Variants in DENND1A observed in about 807,000 individuals in gnomAD.
The protein encoded by DENND1A is DENN domain containing 1A.
DENND1A carries 51 observed loss-of-function variants against 113.7 expected under a neutral mutation model. The observed-to-expected ratio is 0.45, with a 90% CI of 0.36 to 0.57. The LOEUF (loss-of-function observed/expected upper bound fraction) is 0.57. Ranked by LOEUF, DENND1A falls within the 20% of genes least tolerant of loss-of-function variation. The probability of loss-of-function intolerance (pLI) is 0.00; values close to 1 mark genes in which losing one functional copy is unlikely to be tolerated. For missense variants in DENND1A, 1,258 were observed against 1,395.9 expected (o/e 0.90, Z 1.57); for synonymous variants, 565 against 570.8 (o/e 0.99, Z 0.14).
intron 2 of DENND1A, among the ~76,000 whole-genome samples, chr9:123,816,090 T>A (rs532151292): frequency 7.0e-6 from 1 of 142,578 alleles, no homozygotes; most frequent in Non-Finnish European, 1.5e-5. Flanking sequence ...AACCTCGACC[T>A]CCTGGGCTCA....
At chr9:123,588,630 A>T (rs1051972826) in intron 11 of DENND1A, among the ~76,000 whole-genome samples, 19 of 122,228 alleles carry the variant, frequency 1.6e-4, no homozygotes, top group Non-Finnish European at 3.1e-4. Context: ...CAAAAAAAAA[A>T]AAAGGGGGGG....
At chr9:123,684,862 A>C in intron 5 of DENND1A, among the ~76,000 whole-genome samples, 1 of 152,172 alleles carries the variant, frequency 6.6e-6, no homozygotes, top group Admixed American at 6.5e-5. Context: ...CTCACAGTCT[A>C]AAGAGGAAAG....
At chr9:123,793,822 TA>T (rs1298722624) in intron 2 of DENND1A, among the ~76,000 whole-genome samples, 6 of 152,110 alleles carry the variant, frequency 3.9e-5, no homozygotes, top group Non-Finnish European at 8.8e-5. Context: ...AGACTAATAA[TA>T]AAAGCAGGAA....
chr9:123,699,458 T>C (rs1339324448), intron 5 of DENND1A, among the ~76,000 whole-genome samples: 1 of 152,064 alleles, frequency 6.6e-6, no homozygotes, highest in East Asian at 1.9e-4. Context: ...GATGATGAAA[T>C]TAAAGGTAAT....
chr9:123,848,033 A>G (rs1842847669), intron 2 of DENND1A, among the ~76,000 whole-genome samples: 1 of 152,156 alleles, frequency 6.6e-6, no homozygotes. Flanking sequence ...TTACATGTTT[A>G]AAGTAAAATA....
Position 123,717,177 on chromosome 9 carries a change from G to C in DENND1A, c.303-40388C>G, listed in dbSNP as rs192775713. On this transcript the variant is annotated intron_variant, in intron 5 of 23. Transcript: ENST00000394215. ...AGATCTGGTCAGATAGTTGGCAAGTGACAGCCTCTCTGGGCGTCATTAGTA... is the reference window on the plus strand; with the variant it reads ...AGATCTGGTCAGATAGTTGGCAAGTCACAGCCTCTCTGGGCGTCATTAGTA... 3.1e-3 allele frequency among the ~76,000 whole-genome samples: 478 copies of C among 152,260 alleles called. 4 individuals are homozygous for C. The highest frequency in any genetic ancestry group is 4.1e-3 in the Non-Finnish European group (279 of 68,014).
chr9:123,911,892 C>T (rs1185265658), intron 1 of DENND1A, among the ~76,000 whole-genome samples: 2 of 151,980 alleles, frequency 1.3e-5, no homozygotes, highest in Non-Finnish European at 2.9e-5. Flanking sequence ...AACAGGGTTT[C>T]ACCATGTTAG....
At chr9:123,844,871 G>A (rs1288700858) in intron 2 of DENND1A, among the ~76,000 whole-genome samples, 1 of 152,114 alleles carries the variant, frequency 6.6e-6, no homozygotes, top group Non-Finnish European at 1.5e-5. Flanking sequence ...ATATGAACAG[G>A]ATTCAGAGTC....
chr9:123,590,756 G>T (rs1017583199), intron 11 of DENND1A, among the ~76,000 whole-genome samples: 1 of 152,106 alleles, frequency 6.6e-6, no homozygotes, highest in Non-Finnish European at 1.5e-5. Context: ...CCCAATGAAG[G>T]TATTCATTGA....
At chr9:123,927,256 C>T (rs1857281084) in intron 1 of DENND1A, among the ~76,000 whole-genome samples, 1 of 152,174 alleles carries the variant, frequency 6.6e-6, no homozygotes, top group African/African-American at 2.4e-5. Context: ...ACTGATCACA[C>T]AACAGACACC....
chr9:123,613,902 G>A (rs1363359394), intron 10 of DENND1A, among the ~76,000 whole-genome samples: 3 of 152,182 alleles, frequency 2.0e-5, no homozygotes, highest in Non-Finnish European at 2.9e-5. Flanking sequence ...AGTTACAAAC[G>A]TGAGAGTAAA....
intron 2 of DENND1A, among the ~76,000 whole-genome samples, chr9:123,864,485 A>T (rs1207640819): frequency 1.3e-5 from 2 of 152,220 alleles, no homozygotes; most frequent in African/African-American, 4.8e-5. Context: ...GGCCCGGGGT[A>T]AATGCCTCAT....
At chr9:123,552,018 C>CGAGAGAGAGAGAGA (rs10657747) in intron 13 of DENND1A, among the ~76,000 whole-genome samples, 3 of 118,570 alleles carry the variant, frequency 2.5e-5, no homozygotes, top group Non-Finnish European at 3.7e-5. Context: ...AGAGCGAGAG[C>CGAGAGAGAGAGAGA]GAGAGAGAGA....
At chr9:123,779,646 C>T (rs536560089) in intron 3 of DENND1A, among the ~76,000 whole-genome samples, 103 of 152,190 alleles carry the variant, frequency 6.8e-4, no homozygotes, top group African/African-American at 2.0e-3. Flanking sequence ...ACCATAGGCG[C>T]GGACTACCAC....
chr9:123,912,340 C>T (rs1361992554), intron 1 of DENND1A, among the ~76,000 whole-genome samples: 1 of 152,106 alleles, frequency 6.6e-6, no homozygotes, highest in Non-Finnish European at 1.5e-5. Context: ...AGATGAGTCC[C>T]CTGGGTTTTT....
intron 5 of DENND1A, among the ~76,000 whole-genome samples, chr9:123,738,215 T>C (rs2068714985): frequency 6.6e-6 from 1 of 152,290 alleles, no homozygotes; most frequent in Admixed American, 6.5e-5. Context: ...AAAACAGTCA[T>C]TAAATACAGC....
intron 2 of DENND1A, among the ~76,000 whole-genome samples, chr9:123,841,382 G>A (rs942522617): frequency 6.6e-6 from 1 of 152,110 alleles, no homozygotes; most frequent in South Asian, 2.1e-4. Flanking sequence ...TGTTTCTCCA[G>A]TAATTTTCAT....
intron 5 of DENND1A, among the ~76,000 whole-genome samples, chr9:123,740,497 C>G (rs997441459): frequency 6.6e-6 from 1 of 152,094 alleles, no homozygotes; most frequent in Non-Finnish European, 1.5e-5. Context: ...GCAAGGAGAT[C>G]TGTAGAGGTA....
intron 13 of DENND1A, among the ~76,000 whole-genome samples, chr9:123,541,491 G>T (rs977336488): frequency 6.6e-6 from 1 of 152,204 alleles, no homozygotes; most frequent in African/African-American, 2.4e-5. Flanking sequence ...ATTTTATTGT[G>T]AAGACGAGAG....
Sources: allele counts gnomAD v4.1 joint callset (sites outside exome capture counted in the v4.1 genomes callset), GRCh38; gene constraint gnomAD v4.1.1; transcripts MANE v1.5; gene names NCBI Gene and HGNC (gene_info 2026-07-23, HGNC 2026-07-21).